EXOC5: variants seen among roughly 807,000 people sequenced by gnomAD.
EXOC5 encodes the protein exocyst complex component 5.
In EXOC5, 17 loss-of-function variants were observed where a neutral mutation model predicts 90.8. That is an observed-to-expected ratio of 0.19 (90% confidence interval 0.13 to 0.28). EXOC5 has a LOEUF of 0.28. Among genes scored for constraint, EXOC5 ranks in the 10% least tolerant of loss-of-function variants. EXOC5 has a pLI of 1.00. For synonymous variants in EXOC5, 260 were observed against 270.0 expected, an observed-to-expected ratio of 0.96 and a Z score of 0.36; for missense variants, 569 against 830.6, an observed-to-expected ratio of 0.69 and a Z score of 3.87.
intron 1 of EXOC5, among the ~76,000 whole-genome samples, chr14:57,251,304 G>C (rs1436115279): frequency 6.6e-6 from 1 of 152,190 alleles, no homozygotes; most frequent in African/African-American, 2.4e-5. Context: ...AAATATCTGA[G>C]ATCCCTGCTC....
At chr14:57,261,881 T>C (rs1884512573) in intron 1 of EXOC5, among the ~76,000 whole-genome samples, 1 of 152,084 alleles carries the variant, frequency 6.6e-6, no homozygotes, top group Non-Finnish European at 1.5e-5. Context: ...TGCAAATCAC[T>C]ACATAGCATC....
chr14:57,231,866 C>A lies in EXOC5; in HGVS notation c.939-151G>T, dbSNP rs1883498382. On this transcript the variant is annotated intron_variant, in intron 10 of 17. Transcript: ENST00000621441. ...GGGAGAGTACTTATGATGCAGAGAT[C>A]AACTCTACAGGGTTACATATAAATA... 3 of 589,736 alleles carry A rather than the reference C, an allele frequency of 5.1e-6. No individual in the cohort carries two copies. The South Asian group carries it at 6.4e-5, about 12-fold the overall frequency. 36.5% of individuals were successfully genotyped at this position (589,736 alleles called of 1,614,324 possible).
chr14:57,259,630 T>C (rs547593888), intron 1 of EXOC5, among the ~76,000 whole-genome samples: 67 of 152,338 alleles, frequency 4.4e-4, no homozygotes, highest in African/African-American at 1.6e-3. Flanking sequence ...AGCCTGGCTC[T>C]ATTCCCGTTT....
chr14:57,221,956 T>C (rs1215202352), intron 13 of EXOC5, among the ~76,000 whole-genome samples: 1 of 152,162 alleles, frequency 6.6e-6, no homozygotes, highest in African/African-American at 2.4e-5. Context: ...ACTTAGTTTT[T>C]AATACTTCTC....
rs570122832 is a variant in EXOC5, at chr14:57,204,314, C to T, written c.*4295G>A. Reference sequence around the variant, plus strand: ...CCCTATACATTTGAACAGTTGTTTCCTCCCTAAATTTGTAAAGAGAAATGA... The same window carrying T: ...CCCTATACATTTGAACAGTTGTTTCTTCCCTAAATTTGTAAAGAGAAATGA... On this transcript the variant is annotated 3_prime_UTR_variant, in exon 18 of 18. Transcript: ENST00000621441. 6.6e-6 allele frequency: 1 copy of T among 152,192 alleles called. No individual in the cohort carries two copies. Among genetic ancestry groups the T allele is most frequent in the South Asian group, 2.1e-4 (1 of 4,826 alleles). The allele number at this position is 152,192 out of a possible 1,614,324, so 9.4% of individuals were successfully genotyped here. A position where few individuals can be genotyped will look rare whatever the true frequency, so the allele number is the denominator to read the frequency against.
chr14:57,264,679 C>T (rs903155592), intron 1 of EXOC5, among the ~76,000 whole-genome samples: 1 of 152,132 alleles, frequency 6.6e-6, no homozygotes, highest in Non-Finnish European at 1.5e-5. Context: ...CTTTTATTGT[C>T]TGCTTTACTG....
At chr14:57,218,166 T>C in intron 14 of EXOC5, 98 bp from the exon 15 acceptor site, 1 of 601,428 alleles carries the variant, frequency 1.7e-6, no homozygotes, top group East Asian at 2.9e-5. Flanking sequence ...TATACATTTA[T>C]AAATATATCC....
intron 15 of EXOC5, among the ~76,000 whole-genome samples, chr14:57,212,739 C>T (rs10140993): frequency 0.3 from 45,297 of 152,138 alleles, 12,087 homozygotes; most frequent in African/African-American, 0.72. Context: ...AAAAACATAA[C>T]GCTGTGTCTG....
chr14:57,209,725 T>A lies in EXOC5; in HGVS notation c.1780A>T (p.Met594Leu), dbSNP rs769967782. The change falls in exon 17 of 18, where the codon ATG becomes TTG. Residue 594 changes from methionine to leucine, a missense_variant. This residue lies in a region of EXOC5 where 122 missense variants were observed against 180.0 expected (regional missense o/e 0.68). Coordinates refer to ENST00000621441, the MANE Select transcript of EXOC5 (RefSeq NM_006544.4). ...ACTGTATCCACATTCTTCCCATCCATGGAATTTTTAATCTTCTCCACTTGT... is the reference window on the plus strand; with the variant it reads ...ACTGTATCCACATTCTTCCCATCCAAGGAATTTTTAATCTTCTCCACTTGT... ...RKQVEKIKNS[M>L]DGKNVDTVLM... 1 of 1,613,080 alleles carries A rather than the reference T, an allele frequency of 6.2e-7. No individual in the cohort carries two copies. Among genetic ancestry groups the A allele is most frequent in the Non-Finnish European group, 8.5e-7 (1 of 1,179,452 alleles).
At chr14:57,245,826 G>A (rs1884016343) in intron 3 of EXOC5, among the ~76,000 whole-genome samples, 1 of 152,110 alleles carries the variant, frequency 6.6e-6, no homozygotes, top group Non-Finnish European at 1.5e-5. Flanking sequence ...GCCGAGGCAG[G>A]CGGATCACCT....
At chr14:57,218,390 T>C (rs1230330995) in intron 14 of EXOC5, among the ~76,000 whole-genome samples, 2 of 152,112 alleles carry the variant, frequency 1.3e-5, no homozygotes, top group African/African-American at 4.8e-5. Flanking sequence ...TATTTGGTTT[T>C]CTTTATAAAC....
At chr14:57,223,642 C>T (rs1594655274) in intron 12 of EXOC5, among the ~76,000 whole-genome samples, 1 of 152,044 alleles carries the variant, frequency 6.6e-6, no homozygotes, top group South Asian at 2.1e-4. Flanking sequence ...ATCCAAACAT[C>T]CATGAATAAT....
chr14:57,224,670 C>CA (rs1178435876), intron 12 of EXOC5, among the ~76,000 whole-genome samples: 1 of 152,162 alleles, frequency 6.6e-6, no homozygotes, highest in Non-Finnish European at 1.5e-5. Flanking sequence ...CAATTCTACT[C>CA]AAACTCTTCC....
At chr14:57,256,416 G>A (rs561621532) in intron 1 of EXOC5, among the ~76,000 whole-genome samples, 4 of 152,260 alleles carry the variant, frequency 2.6e-5, no homozygotes, top group South Asian at 4.2e-4. Context: ...CGATAGTAGA[G>A]GTGAGAGACA....
intron 2 of EXOC5, 34 bp from the exon 3 acceptor site, chr14:57,246,892 A>C: frequency 7.7e-7 from 1 of 1,298,706 alleles, no homozygotes; most frequent in Non-Finnish European, 1.1e-6. Flanking sequence ...GTATCAATCT[A>C]CCTATTATTA....
intron 12 of EXOC5, among the ~76,000 whole-genome samples, chr14:57,224,996 A>G (rs1250416212): frequency 1.1e-4 from 16 of 151,816 alleles, no homozygotes; most frequent in Admixed American, 1.1e-3. Flanking sequence ...GAAGAGGAGG[A>G]GGTTGCAGTG....
rs143463736 is a variant in EXOC5 at position 57,225,041 on chromosome 14, G to A, written c.1297-2625C>T. Among the ~76,000 whole-genome samples the A allele has an allele frequency of 3.6e-3, 543 of 151,938 alleles. 4 individuals carry two copies. Among genetic ancestry groups the A allele is most frequent in the Middle Eastern group, 0.017 (5 of 294 alleles). On this transcript the variant is annotated intron_variant, in intron 12 of 17. Coordinates refer to ENST00000621441, the MANE Select transcript of EXOC5 (RefSeq NM_006544.4). ...CGTGCCACTGCACTCCAGCCTGGGC[G>A]TCAGAGTGAGACTCCGTCTCCAAAA...
chr14:57,223,274 CA>C (rs1188690432), intron 12 of EXOC5, among the ~76,000 whole-genome samples: 2 of 151,958 alleles, frequency 1.3e-5, no homozygotes, highest in African/African-American at 4.8e-5. Flanking sequence ...TTTTAACAGT[CA>C]AAAAATTACT....
At position 57,205,188 on chromosome 14, in the gene EXOC5, C is replaced by T. The variant is rs1882613771; in HGVS notation, c.*3421G>A. 1 of 151,986 alleles carries T rather than the reference C, an allele frequency of 6.6e-6. No individual in the cohort carries two copies. The highest frequency in any genetic ancestry group is 1.5e-5 in the Non-Finnish European group (1 of 67,914). The allele number at this position is 151,986 out of a possible 1,614,324, so 9.4% of individuals were successfully genotyped here. On this transcript the variant is annotated 3_prime_UTR_variant, in exon 18 of 18. Coordinates refer to ENST00000621441, the MANE Select transcript of EXOC5 (RefSeq NM_006544.4). ...AATCAATACATGTAACTATAATTAT[C>T]TTTATTATGCAGCAAAATTTTTTAA...
Sources: allele counts gnomAD v4.1 joint callset (sites outside exome capture counted in the v4.1 genomes callset), GRCh38; gene constraint gnomAD v4.1.1; regional missense constraint gnomAD v4.1.1; transcripts MANE v1.5; gene names NCBI Gene and HGNC (gene_info 2026-07-23, HGNC 2026-07-21).